The following FRMPD4 variants were observed in gnomAD, a reference collection of about 807,000 sequenced individuals.
FRMPD4 encodes FERM and PDZ domain containing 4, also known as FERM and PDZ domain-containing protein 4.
Under a neutral mutation model 94.1 loss-of-function variants are expected in FRMPD4, and 22 were observed. That is an observed-to-expected ratio of 0.23 (90% confidence interval 0.17 to 0.33). The LOEUF is 0.33. FRMPD4 is among the 10% of genes least tolerant of loss of function. The pLI, the probability that FRMPD4 is intolerant of heterozygous loss-of-function variation, is 1.00. For missense variants in FRMPD4, 1,111 were observed against 1,339.9 expected (o/e 0.83, Z 2.67); for synonymous variants, 631 against 548.6 (o/e 1.15, Z -2.10).
chrX:11,917,994 T>C (rs749102285), intron 3 of FRMPD4, among the ~76,000 whole-genome samples: 2 of 111,718 alleles, frequency 1.8e-5, no homozygotes, highest in Non-Finnish European at 3.8e-5. Context: ...CAAAGGTGAC[T>C]AGAACATAGA....
intron 2 of FRMPD4, among the ~76,000 whole-genome samples, chrX:12,603,893 T>C (rs1304547338): frequency 9.0e-6 from 1 of 111,250 alleles, no homozygotes; most frequent in African/African-American, 3.3e-5. Context: ...AACATGCTAG[T>C]AGGCTTGCAT....
At chrX:12,100,936 T>C (rs1256198810) in intron 3 of FRMPD4, among the ~76,000 whole-genome samples, 1 of 112,482 alleles carries the variant, frequency 8.9e-6, no homozygotes, top group African/African-American at 3.2e-5. Context: ...CAGGCTACTG[T>C]CTTTGTGGCT....
chrX:12,143,558 T>C lies in FRMPD4; in HGVS notation c.41+4546T>C, dbSNP rs1235957668. ...GTTAACTGACCCCTGGGTTAAACAA[T>C]GCCTTTTTCCTGTTTTCTCTTCTTT... On this transcript the variant is annotated intron_variant, in intron 1 of 16. Coordinates refer to ENST00000675598, the MANE Select transcript of FRMPD4 (RefSeq NM_001368397.1). Among the ~76,000 whole-genome samples, 3 of 111,846 alleles carry C rather than the reference T, an allele frequency of 2.7e-5. No individual in the cohort carries two copies. The Admixed American group carries it at 2.8e-4, about 11-fold the overall frequency.
At chrX:12,368,049 A>G (rs1332505545) in intron 1 of FRMPD4, among the ~76,000 whole-genome samples, 2 of 111,444 alleles carry the variant, frequency 1.8e-5, no homozygotes, top group Non-Finnish European at 3.8e-5. Context: ...ATGACCATAC[A>G]TTGCCAATCC....
intron 3 of FRMPD4, among the ~76,000 whole-genome samples, chrX:12,036,099 A>G (rs1429904506): frequency 8.9e-6 from 1 of 112,195 alleles, no homozygotes; most frequent in East Asian, 2.8e-4. Flanking sequence ...CCATGGAAAG[A>G]TGGAAAGATC....
Position 11,883,378 on chromosome X carries a change from C to T in FRMPD4, c.95+5360C>T, listed in dbSNP as rs180954270. Among the ~76,000 whole-genome samples the T allele has an allele frequency of 4.2e-4, 47 of 112,009 alleles. No individual in the cohort carries two copies. The South Asian group carries it at 6.7e-3, about 16-fold the overall frequency. The stretch of plus-strand genomic sequence containing the variant: ...TGAGGAGGGATGTATCTAGCTTATG[C>T]CATAATCTCAGGGTGCTCATTTACC... On this transcript the variant is annotated intron_variant, in intron 3 of 18. Transcript: ENST00000640291.
intron 1 of FRMPD4, among the ~76,000 whole-genome samples, chrX:12,266,025 C>T (rs1487569448): frequency 7.9e-5 from 8 of 101,846 alleles, no homozygotes; most frequent in East Asian, 6.3e-4. Flanking sequence ...CCCAGCTATT[C>T]GGGAGCCTGA....
chrX:12,067,943 A>T (rs1330136668), intron 3 of FRMPD4, among the ~76,000 whole-genome samples: 1 of 111,862 alleles, frequency 8.9e-6, no homozygotes, highest in Non-Finnish European at 1.9e-5. Flanking sequence ...ATCTGCAGAC[A>T]TGATTAAGCT....
At chrX:12,465,033 G>A (rs2148162404) in intron 1 of FRMPD4, among the ~76,000 whole-genome samples, 1 of 112,047 alleles carries the variant, frequency 8.9e-6, no homozygotes, top group South Asian at 3.7e-4. Context: ...CTCCACCGCA[G>A]GTAATAACCA....
intron 3 of FRMPD4, among the ~76,000 whole-genome samples, chrX:11,931,086 T>A (rs1005525727): frequency 9.0e-6 from 1 of 111,516 alleles, no homozygotes; most frequent in African/African-American, 3.3e-5. Context: ...GAAATAATTA[T>A]TTTCTGTGAT....
At chrX:12,030,575 A>G (rs1192701682) in intron 3 of FRMPD4, among the ~76,000 whole-genome samples, 1 of 112,172 alleles carries the variant, frequency 8.9e-6, no homozygotes, top group Non-Finnish European at 1.9e-5. Flanking sequence ...GCAATCTGGG[A>G]ATGGCAACAA....
chrX:12,433,543 C>T (rs912809259), intron 1 of FRMPD4, among the ~76,000 whole-genome samples: 2 of 111,996 alleles, frequency 1.8e-5, no homozygotes, highest in Non-Finnish European at 3.8e-5. Flanking sequence ...AAAATCTGCT[C>T]AGAATGCAGA....
At chrX:12,674,932 GC>G in intron 5 of FRMPD4, 24 bp downstream of exon 5, 6 of 996,322 alleles carry the variant, frequency 6.0e-6, no homozygotes, top group Non-Finnish European at 8.6e-6. Flanking sequence ...GAATAAAAGT[GC>G]CACTTAATGT....
At chrX:11,849,169 C>G (rs2053604720) in intron 1 of FRMPD4, among the ~76,000 whole-genome samples, 1 of 111,078 alleles carries the variant, frequency 9.0e-6, no homozygotes, top group Non-Finnish European at 1.9e-5. Context: ...AATGATCAAC[C>G]TGAAAAGGAA....
intron 1 of FRMPD4, among the ~76,000 whole-genome samples, chrX:12,387,565 T>C (rs1336720708): frequency 8.9e-6 from 1 of 111,913 alleles, no homozygotes; most frequent in African/African-American, 3.2e-5. Context: ...AAGAAATGCA[T>C]AATTCAAATG....
chrX:12,121,840 C>T (rs777034550), intron 3 of FRMPD4, among the ~76,000 whole-genome samples: 10 of 111,398 alleles, frequency 9.0e-5, no homozygotes, highest in South Asian at 3.8e-4. Context: ...GTCCTAGGGA[C>T]GATCTGGATC....
At chrX:12,349,853 G>A (rs1358648205) in intron 1 of FRMPD4, among the ~76,000 whole-genome samples, 1 of 111,650 alleles carries the variant, frequency 9.0e-6, no homozygotes, top group Non-Finnish European at 1.9e-5. Context: ...ATAGTCAGGA[G>A]TAAAAAGATA....
intron 2 of FRMPD4, among the ~76,000 whole-genome samples, chrX:12,587,176 C>T (rs1295936144): frequency 1.8e-5 from 2 of 110,497 alleles, no homozygotes; most frequent in African/African-American, 6.6e-5. Context: ...AGGGTTTCAC[C>T]ATATTGGCCA....
chrX:12,681,027 C>G (rs990017995), intron 5 of FRMPD4, among the ~76,000 whole-genome samples: 3 of 111,536 alleles, frequency 2.7e-5, no homozygotes, highest in Non-Finnish European at 3.8e-5. Flanking sequence ...AGATGGAACA[C>G]TTTAGAAAAA....
Sources: allele counts gnomAD v4.1 joint callset (sites outside exome capture counted in the v4.1 genomes callset), GRCh38; gene constraint gnomAD v4.1.1; transcripts MANE v1.5; gene names NCBI Gene and HGNC (gene_info 2026-07-23, HGNC 2026-07-21).